Variants in WWOX observed in about 807,000 individuals in gnomAD.
The protein encoded by WWOX is WW domain containing oxidoreductase, also known as WW domain-containing oxidoreductase.
A neutral mutation model predicts 46.2 loss-of-function variants in WWOX; 69 were observed. That is an observed-to-expected ratio of 1.49 (90% confidence interval 1.23 to 1.82). The LOEUF (loss-of-function observed/expected upper bound fraction) is 1.82. WWOX is among the 40% of genes most tolerant of loss of function. WWOX has a pLI of 0.00. For missense variants in WWOX, 919 were observed against 542.6 expected (o/e 1.69, Z -6.89); for synonymous variants, 359 against 202.6 (o/e 1.77, Z -6.56).
At chr16:79,082,609 G>C (rs74886033) in intron 8 of WWOX, among the ~76,000 whole-genome samples, 6,168 of 152,182 alleles carry the variant, frequency 0.041, 230 homozygotes, top group African/African-American at 0.096. Flanking sequence ...AGAAAGTCGC[G>C]AGTGTTTTGA....
intron 8 of WWOX, among the ~76,000 whole-genome samples, chr16:79,207,356 T>G (rs2051550067): frequency 6.6e-6 from 1 of 152,240 alleles, no homozygotes; most frequent in African/African-American, 2.4e-5. Flanking sequence ...CCAAACCTGC[T>G]CACTTCAGAT....
intron 8 of WWOX, among the ~76,000 whole-genome samples, chr16:78,736,776 T>A (rs2049102012): frequency 6.6e-6 from 1 of 151,980 alleles, no homozygotes; most frequent in Non-Finnish European, 1.5e-5. Flanking sequence ...ATTACTAAAT[T>A]TTTAAAAATT....
intron 2 of WWOX, 82 bp from the exon 3 acceptor site, chr16:78,109,696 G>C: frequency 6.8e-7 from 1 of 1,461,510 alleles, no homozygotes; most frequent in South Asian, 1.1e-5. Flanking sequence ...GGGCGGGGCT[G>C]GGAGGGCTCC....
At chr16:79,160,944 A>G (rs2050475153) in intron 8 of WWOX, among the ~76,000 whole-genome samples, 1 of 152,216 alleles carries the variant, frequency 6.6e-6, no homozygotes, top group African/African-American at 2.4e-5. Context: ...ATATATGTGT[A>G]TACATGCTAT....
intron 5 of WWOX, among the ~76,000 whole-genome samples, chr16:78,357,589 C>G (rs1035542800): frequency 6.6e-6 from 1 of 152,106 alleles, no homozygotes; most frequent in Non-Finnish European, 1.5e-5. Flanking sequence ...CATTTGTGGG[C>G]TATTCTATGC....
At chr16:78,688,753 G>T (rs768953077) in intron 8 of WWOX, among the ~76,000 whole-genome samples, 1 of 152,166 alleles carries the variant, frequency 6.6e-6, no homozygotes, top group Non-Finnish European at 1.5e-5. Context: ...GGGTTCGGCT[G>T]TGTCCCCACC....
intron 8 of WWOX, among the ~76,000 whole-genome samples, chr16:78,727,484 C>T (rs567013310): frequency 3.9e-5 from 6 of 152,144 alleles, no homozygotes; most frequent in East Asian, 3.9e-4. Flanking sequence ...TGCCAGGGTA[C>T]GTGTTTCCTA....
chr16:78,121,362 CAG>C (rs1465201581), intron 4 of WWOX, among the ~76,000 whole-genome samples: 2 of 152,112 alleles, frequency 1.3e-5, no homozygotes, highest in Non-Finnish European at 2.9e-5. Flanking sequence ...AGATTCTTGA[CAG>C]TGTTAGACAA....
At chr16:78,518,301 A>C (rs2043280599) in intron 8 of WWOX, among the ~76,000 whole-genome samples, 1 of 152,018 alleles carries the variant, frequency 6.6e-6, no homozygotes, top group Non-Finnish European at 1.5e-5. Context: ...GCGTGATCTC[A>C]ACTCACCGCA....
chr16:78,549,455 C>T (rs949730692), intron 8 of WWOX, among the ~76,000 whole-genome samples: 1 of 152,094 alleles, frequency 6.6e-6, no homozygotes, highest in Non-Finnish European at 1.5e-5. Flanking sequence ...TTCAGGGTTT[C>T]CCATTCAGTC....
At chr16:78,978,643 C>T (rs1228519947) in intron 8 of WWOX, among the ~76,000 whole-genome samples, 1 of 152,204 alleles carries the variant, frequency 6.6e-6, no homozygotes, top group African/African-American at 2.4e-5. Context: ...AACTTATAAT[C>T]ATGGCAGAAG....
chr16:79,211,470 G>T, intron 8 of WWOX, 138 bp from the exon 9 acceptor site: 1 of 1,078,414 alleles, frequency 9.3e-7, no homozygotes, highest in Middle Eastern at 2.9e-4. Flanking sequence ...TTTCAGCCCA[G>T]TACCCTTTGC....
chr16:78,707,069 C>T (rs1466004558), intron 8 of WWOX, among the ~76,000 whole-genome samples: 2 of 152,196 alleles, frequency 1.3e-5, no homozygotes, highest in Admixed American at 6.5e-5. Context: ...TATTCCCCTT[C>T]AAGGACAAAG....
At chr16:78,434,025 G>C (rs886615200) in intron 8 of WWOX, among the ~76,000 whole-genome samples, 1 of 152,100 alleles carries the variant, frequency 6.6e-6, no homozygotes, top group East Asian at 1.9e-4. Flanking sequence ...TCCTGACCTC[G>C]TGATCCGCCC....
intron 5 of WWOX, among the ~76,000 whole-genome samples, chr16:78,242,931 C>T (rs1405486309): frequency 2.0e-5 from 3 of 152,102 alleles, no homozygotes; most frequent in Non-Finnish European, 2.9e-5. Context: ...TTGCTTGAAC[C>T]TGGGAGGTGG....
intron 8 of WWOX, among the ~76,000 whole-genome samples, chr16:78,464,980 G>A (rs1203534696): frequency 6.6e-6 from 1 of 152,230 alleles, no homozygotes; most frequent in Non-Finnish European, 1.5e-5. Context: ...AGAAGGCAAA[G>A]GAGGAGCAAA....
At chr16:78,807,846 A>G (rs2051083587) in intron 8 of WWOX, among the ~76,000 whole-genome samples, 1 of 152,256 alleles carries the variant, frequency 6.6e-6, no homozygotes, top group Admixed American at 6.5e-5. Context: ...ATTTGTAAAA[A>G]TCACTTCTTC....
At chr16:78,350,209 T>C (rs1363242936) in intron 5 of WWOX, among the ~76,000 whole-genome samples, 3 of 120,948 alleles carry the variant, frequency 2.5e-5, no homozygotes, top group African/African-American at 8.4e-5. Context: ...CCATCAGTTG[T>C]GAGGTATGTT....
At chr16:78,761,126 C>T (rs1379105750) in intron 8 of WWOX, among the ~76,000 whole-genome samples, 2 of 152,192 alleles carry the variant, frequency 1.3e-5, no homozygotes, top group African/African-American at 4.8e-5. Flanking sequence ...AACCATATTA[C>T]AGGCTAATGA....
Sources: gnomAD v4.1 joint callset for allele counts (sites outside exome capture counted in the v4.1 genomes callset) on GRCh38, gnomAD v4.1.1 for gene constraint, MANE v1.5 for transcripts, NCBI Gene and HGNC (gene_info 2026-07-23, HGNC 2026-07-21) for gene names.